TRPC6: variants seen among roughly 807,000 people sequenced by gnomAD.
The protein encoded by TRPC6 is short transient receptor potential channel 6.
Under a neutral mutation model 90.7 loss-of-function variants are expected in TRPC6, and 55 were observed. That is an observed-to-expected ratio of 0.61 (90% CI 0.49 to 0.76). The LOEUF (loss-of-function observed/expected upper bound fraction) is 0.76, where lower values mean the gene tolerates loss of function less well. TRPC6 is among the 30% of genes least tolerant of loss of function. The pLI, the probability that TRPC6 is intolerant of heterozygous loss-of-function variation, is 0.00. For missense variants in TRPC6, 989 were observed against 1,122.7 expected, an observed-to-expected ratio of 0.88 and a Z score of 1.70; for synonymous variants, 393 against 393.0, an observed-to-expected ratio of 1.00 and a Z score of 0.00.
chr11:101,453,211 A>ATTTT, intron 12 of TRPC6, 105 bp from the exon 13 acceptor site: 1 of 1,153,996 alleles, frequency 8.7e-7, no homozygotes, highest in Non-Finnish European at 1.3e-6. Context: ...ACACAATTTT[A>ATTTT]TTTTGAATCC....
At chr11:101,521,692 C>T (rs554116004) in intron 1 of TRPC6, among the ~76,000 whole-genome samples, 12 of 152,354 alleles carry the variant, frequency 7.9e-5, no homozygotes, top group African/African-American at 2.4e-4. Flanking sequence ...TGAGAGCAGC[C>T]ATGGGAACTA....
At chr11:101,515,083 T>C (rs911423908) in intron 1 of TRPC6, among the ~76,000 whole-genome samples, 2 of 152,244 alleles carry the variant, frequency 1.3e-5, no homozygotes, top group African/African-American at 4.8e-5. Context: ...TGGTGATTTG[T>C]GGAATTCTGC....
chr11:101,489,188 T>G, intron 3 of TRPC6, 87 bp from the exon 4 acceptor site: 5 of 1,223,864 alleles, frequency 4.1e-6, no homozygotes, highest in Non-Finnish European at 5.9e-6. Flanking sequence ...GTTCCATGCT[T>G]TCCAATGAAA....
intron 1 of TRPC6, among the ~76,000 whole-genome samples, chr11:101,519,640 C>T (rs1860607185): frequency 2.0e-5 from 3 of 151,946 alleles, no homozygotes; most frequent in Non-Finnish European, 4.4e-5. Context: ...GTGTCCTGGG[C>T]TTCTTTCTTT....
At chr11:101,579,382 A>T (rs946039126) in intron 1 of TRPC6, among the ~76,000 whole-genome samples, 1 of 152,122 alleles carries the variant, frequency 6.6e-6, no homozygotes, top group African/African-American at 2.4e-5. Flanking sequence ...TCAACTTTTT[A>T]AAAAATCCAC....
intron 10 of TRPC6, among the ~76,000 whole-genome samples, chr11:101,462,947 G>C (rs533006385): frequency 3.4e-4 from 52 of 152,120 alleles, no homozygotes; most frequent in Non-Finnish European, 6.5e-4. Context: ...CTGTGGGTTT[G>C]TCATGAATAG....
At chr11:101,535,274 T>C (rs1005994158) in intron 1 of TRPC6, among the ~76,000 whole-genome samples, 1 of 152,068 alleles carries the variant, frequency 6.6e-6, no homozygotes, top group Non-Finnish European at 1.5e-5. Flanking sequence ...GATTAAGAAA[T>C]GTATAATAAC....
intron 2 of TRPC6, among the ~76,000 whole-genome samples, chr11:101,498,120 A>G (rs1292542660): frequency 6.6e-6 from 1 of 151,946 alleles, no homozygotes; most frequent in Non-Finnish European, 1.5e-5. Flanking sequence ...TTGAATTAAA[A>G]CTCAAGTCAA....
chr11:101,478,982 A>G (rs1423268777), intron 5 of TRPC6, among the ~76,000 whole-genome samples: 2 of 152,304 alleles, frequency 1.3e-5, no homozygotes, highest in East Asian at 3.9e-4. Context: ...TTACTTGCCC[A>G]GGCTCCTGCT....
intron 1 of TRPC6, among the ~76,000 whole-genome samples, chr11:101,578,887 C>G (rs1862129096): frequency 6.6e-6 from 1 of 152,090 alleles, no homozygotes; most frequent in Admixed American, 6.5e-5. Flanking sequence ...TTAAAACTCT[C>G]TCATTCAAAT....
At position 101,558,203 on chromosome 11, in the gene TRPC6, G is replaced by GTATACA. The variant is rs1555012529; in HGVS notation, c.170+25130_170+25131insTGTATA. On this transcript the variant is annotated intron_variant, in intron 1 of 12. Transcript: ENST00000344327. ...TATATAAACATACATATATATGTGT[G>GTATACA]TGTATACATGTATATATGTATACAT... Among the ~76,000 whole-genome samples the GTATACA allele has an allele frequency of 4.9e-3, 392 of 80,050 alleles. 79 individuals are homozygous for GTATACA. Among genetic ancestry groups the GTATACA allele is most frequent in the African/African-American group, 0.018 (378 of 20,496 alleles). 52.5% of individuals were successfully genotyped at this position (80,050 alleles called of 152,430 possible).
intron 2 of TRPC6, among the ~76,000 whole-genome samples, chr11:101,493,308 G>C (rs1212763430): frequency 6.6e-6 from 1 of 152,144 alleles, no homozygotes; most frequent in Non-Finnish European, 1.5e-5. Context: ...TTACAAATTT[G>C]TGTTGAGCTG....
In TRPC6 at chr11:101,559,783, CCT is replaced by C. The variant is rs1565244514; in HGVS notation, c.170+23549_170+23550del. On this transcript the variant is annotated intron_variant, in intron 1 of 12. Transcript: ENST00000344327. ...ATATCTCCTAATGCTATCCCTCCCCCCTCCCCCCACCCCACAACAGGCCCCGG... is the reference window on the plus strand; with the variant it reads ...ATATCTCCTAATGCTATCCCTCCCCCCCCCCCACCCCACAACAGGCCCCGG... 2.6e-3 allele frequency among the ~76,000 whole-genome samples: 331 copies of C among 127,168 alleles called. 2 individuals are homozygous for C. The highest frequency in any genetic ancestry group is 9.7e-3 in the African/African-American group (321 of 33,146). 83.4% of individuals were successfully genotyped at this position (127,168 alleles called of 152,430 possible).
chr11:101,546,618 G>C (rs928525297), intron 1 of TRPC6, among the ~76,000 whole-genome samples: 4 of 152,154 alleles, frequency 2.6e-5, no homozygotes, highest in African/African-American at 7.2e-5. Flanking sequence ...GGTGGGAATT[G>C]TAATACTTAC....
chr11:101,546,393 C>T lies in TRPC6; in HGVS notation c.170+36941G>A, dbSNP rs576319138. Reference sequence around the variant, plus strand: ...GGCCTTATAACTCTTTATCCTCATACTCATGTGATGAGATAAAGGAACCAC... The same window carrying T: ...GGCCTTATAACTCTTTATCCTCATATTCATGTGATGAGATAAAGGAACCAC... On this transcript the variant is annotated intron_variant, in intron 1 of 12. Transcript: ENST00000344327. 3.3e-5 allele frequency among the ~76,000 whole-genome samples: 5 copies of T among 151,856 alleles called. No individual in the cohort carries two copies. The South Asian group carries it at 1.0e-3, about 32-fold the overall frequency.
chr11:101,504,753 G>A lies in TRPC6; in HGVS notation c.216C>T (p.Leu72=). The A allele has an allele frequency of 1.2e-6, 2 of 1,604,774 alleles. No individual in the cohort carries two copies. The highest frequency in any genetic ancestry group is 1.7e-6 in the Non-Finnish European group (2 of 1,175,658). Reference sequence around the variant, plus strand: ...TAGCTAACCTTCTCCCCTTCTCACGGAGAACTGTCTGCCGCCGGTGAGCCA... The same window carrying A: ...TAGCTAACCTTCTCCCCTTCTCACGAAGAACTGTCTGCCGCCGGTGAGCCA... ...NRLAHRRQTV[L]REKGRRLANR... The change falls in exon 2 of 13, where the codon CTC becomes CTT. Residue 72 remains leucine, a synonymous_variant. Coordinates refer to ENST00000344327, the MANE Select transcript of TRPC6 (RefSeq NM_004621.6).
chr11:101,481,006 A>G (rs1044205385), intron 5 of TRPC6, among the ~76,000 whole-genome samples: 3 of 152,252 alleles, frequency 2.0e-5, no homozygotes, highest in African/African-American at 7.2e-5. Context: ...GCCACTATCC[A>G]TATTTTTCCC....
In TRPC6 at chr11:101,515,809, A is replaced by C. The variant is rs1860504249; in HGVS notation, c.171-11011T>G. On this transcript the variant is annotated intron_variant, in intron 1 of 12. Coordinates refer to ENST00000344327, the MANE Select transcript of TRPC6 (RefSeq NM_004621.6). ...TAAATTATAAGTTTACTATATATTT[A>C]GCCCTGTTTCTCTAGCTTTATCAAT... Among the ~76,000 whole-genome samples, 8 of 152,334 alleles carry C rather than the reference A, an allele frequency of 5.3e-5. No individual in the cohort carries two copies. In the South Asian group the frequency reaches 1.7e-3, roughly 32 times the overall value.
intron 7 of TRPC6, among the ~76,000 whole-genome samples, chr11:101,472,898 A>G (rs11224780): frequency 0.33 from 49,391 of 151,870 alleles, 10,052 homozygotes; most frequent in African/African-American, 0.58. Context: ...GTAGGCTTAC[A>G]TTTCAGTTGT....
Sources: allele counts gnomAD v4.1 joint callset (sites outside exome capture counted in the v4.1 genomes callset), GRCh38; gene constraint gnomAD v4.1.1; transcripts MANE v1.5; gene names NCBI Gene and HGNC (gene_info 2026-07-23, HGNC 2026-07-21).